RBKS: variants seen among roughly 807,000 people sequenced by gnomAD.
The protein encoded by RBKS is ribokinase.
In RBKS, 33 loss-of-function variants were observed where a neutral mutation model predicts 33.9. That is an observed-to-expected ratio of 0.97 (90% confidence interval 0.74 to 1.30). RBKS has a LOEUF of 1.30. RBKS is among the 50% of genes most tolerant of loss of function. The probability of loss-of-function intolerance (pLI) is 0.00; values close to 1 mark genes in which losing one functional copy is unlikely to be tolerated. For synonymous variants in RBKS, 125 were observed against 143.0 expected, an observed-to-expected ratio of 0.87 and a Z score of 0.90; for missense variants, 361 against 392.6, an observed-to-expected ratio of 0.92 and a Z score of 0.68.
At chr2:27,820,848 C>G (rs1353985960) in intron 7 of RBKS, among the ~76,000 whole-genome samples, 1 of 152,082 alleles carries the variant, frequency 6.6e-6, no homozygotes, top group East Asian at 1.9e-4. Context: ...CAAGACCAGC[C>G]TGACCAACAT....
chr2:27,835,804 G>GA (rs1573055045), intron 5 of RBKS, among the ~76,000 whole-genome samples: 2 of 151,888 alleles, frequency 1.3e-5, no homozygotes, highest in South Asian at 2.1e-4. Flanking sequence ...TACATAGAAG[G>GA]AAAAAATGTC....
chr2:27,809,819 G>T, intron 7 of RBKS: 1 of 637,742 alleles, frequency 1.6e-6, no homozygotes, highest in Non-Finnish European at 2.3e-6. Flanking sequence ...AACAGCAAAG[G>T]CATTTCATAA....
intron 7 of RBKS, among the ~76,000 whole-genome samples, chr2:27,801,416 G>A (rs1197069817): frequency 6.7e-6 from 1 of 148,668 alleles, no homozygotes; most frequent in East Asian, 2.0e-4. Flanking sequence ...GGCAGTGCGT[G>A]AAAAAAATCT....
chr2:27,813,745 A>G (rs1160258914), intron 7 of RBKS, among the ~76,000 whole-genome samples: 1 of 152,164 alleles, frequency 6.6e-6, no homozygotes, highest in Non-Finnish European at 1.5e-5. Context: ...GAAAGGCAAC[A>G]ATAAGAGAAA....
intron 1 of RBKS, among the ~76,000 whole-genome samples, chr2:27,867,035 T>C (rs1266233250): frequency 1.3e-5 from 2 of 151,048 alleles, no homozygotes; most frequent in Non-Finnish European, 2.9e-5. Context: ...GCCTAGGAGG[T>C]TGAGGCTGCA....
At chr2:27,790,593 A>C (rs1479509752) in intron 7 of RBKS, among the ~76,000 whole-genome samples, 1 of 152,226 alleles carries the variant, frequency 6.6e-6, no homozygotes, top group Non-Finnish European at 1.5e-5. Flanking sequence ...CAACACAATA[A>C]AAATGGGCAA....
chr2:27,834,502 C>T (rs527697772), intron 5 of RBKS, among the ~76,000 whole-genome samples: 9 of 152,272 alleles, frequency 5.9e-5, no homozygotes, highest in African/African-American at 1.7e-4. Flanking sequence ...CCAACACCCC[C>T]GCCTGTCTAC....
intron 1 of RBKS, among the ~76,000 whole-genome samples, chr2:27,889,017 G>T (rs1354626387): frequency 6.6e-6 from 1 of 152,146 alleles, no homozygotes; most frequent in East Asian, 1.9e-4. Context: ...AAAAATAAAG[G>T]TCATTGGTAT....
intron 7 of RBKS, among the ~76,000 whole-genome samples, chr2:27,794,272 G>C (rs1043044310): frequency 2.0e-5 from 3 of 148,706 alleles, no homozygotes; most frequent in Non-Finnish European, 4.4e-5. Flanking sequence ...ACTCCAGCCT[G>C]GGCAACAAGA....
chr2:27,834,667 GAAC>G (rs1189778228), intron 5 of RBKS, among the ~76,000 whole-genome samples: 1 of 152,100 alleles, frequency 6.6e-6, no homozygotes, highest in African/African-American at 2.4e-5. Flanking sequence ...TAGGTTTTCA[GAAC>G]AATATACTGT....
chr2:27,807,474 G>A (rs1337490444), intron 7 of RBKS, among the ~76,000 whole-genome samples: 3 of 151,982 alleles, frequency 2.0e-5, no homozygotes, highest in Non-Finnish European at 2.9e-5. Context: ...TGACCTCCCC[G>A]GACTCAAACG....
intron 1 of RBKS, among the ~76,000 whole-genome samples, chr2:27,887,900 T>A (rs1664572321): frequency 6.6e-6 from 1 of 152,122 alleles, no homozygotes; most frequent in Admixed American, 6.5e-5. Flanking sequence ...CTAGAATAAA[T>A]AATTTCCAAA....
intron 3 of RBKS, among the ~76,000 whole-genome samples, chr2:27,847,736 C>T (rs911388431): frequency 6.6e-6 from 1 of 152,212 alleles, no homozygotes; most frequent in African/African-American, 2.4e-5. Flanking sequence ...ATGATTGTTG[C>T]CAGCTATAAC....
Position 27,848,094 on chromosome 2 carries a change from CA to C in RBKS, c.225del (p.Gly76AlafsTer10). ...LGAMTSMVCK[V>X]GKDSFGNDYI... ...TAATCATTGCCAAAAGAATCTTTGC[CA>C]ACCTGTACCAAAGAAATAATGAATA... On this transcript the variant is annotated frameshift_variant and splice_region_variant, in exon 3 of 8. Transcript: ENST00000302188. LOFTEE classifies it high-confidence loss of function. The C allele has an allele frequency of 6.8e-7, 1 of 1,469,858 alleles. No homozygotes were observed. Among genetic ancestry groups the C allele is most frequent in the South Asian group, 1.2e-5 (1 of 83,616 alleles). The allele number at this position is 1,469,858 out of a possible 1,614,324, so 91.1% of individuals were successfully genotyped here. A position where few individuals can be genotyped will look rare whatever the true frequency, so the allele number is the denominator to read the frequency against.
Position 27,827,624 on chromosome 2 carries a change from C to T in RBKS, c.738G>A (p.Gln246=). Residue 246 remains glutamine (Q), a synonymous_variant, in exon 7 of 8, where the codon CAG becomes CAA. Transcript: ENST00000302188. ...GAATGTGCTTTGGCTCAGGTTCTGT[C>T]TGTGACAGCACCACACATCCTTCAG... ...LGAEGCVVLS[Q]TEPEPKHIPT... 1 of 1,613,016 alleles carries T rather than the reference C, an allele frequency of 6.2e-7. No individual in the cohort carries two copies. The highest frequency in any genetic ancestry group is 1.1e-5 in the South Asian group (1 of 90,912).
chr2:27,801,949 G>GAAAAAAA (rs1397935633), intron 7 of RBKS, among the ~76,000 whole-genome samples: 2 of 54,744 alleles, frequency 3.7e-5, no homozygotes, highest in Non-Finnish European at 6.6e-5. Context: ...GAGTAGCTGG[G>GAAAAAAA]GAAAAAAAAA....
At chr2:27,782,720 G>A in intron 7 of RBKS, 1 of 382,862 alleles carries the variant, frequency 2.6e-6, no homozygotes, top group Non-Finnish European at 5.7e-6. Flanking sequence ...TTTCTCCACT[G>A]TAAAGTTACT....
chr2:27,840,020 CTT>C (rs57069432), intron 5 of RBKS, among the ~76,000 whole-genome samples: 5,270 of 136,522 alleles, frequency 0.039, 232 homozygotes, highest in African/African-American at 0.12. Flanking sequence ...CACTCTTCTT[CTT>C]TTTTTTTTTT....
In RBKS at chr2:27,843,564, C is replaced by T. The variant is rs569659064; in HGVS notation, c.350-333G>A. ...ATAGAAAATAGCTAGTATATGTATG[C>T]GGTAAAGGTTCTGAATCCTAAATGA... On this transcript the variant is annotated intron_variant, in intron 4 of 7. Coordinates refer to ENST00000302188, the MANE Select transcript of RBKS (RefSeq NM_022128.3). 2.6e-4 allele frequency among the ~76,000 whole-genome samples: 40 copies of T among 152,084 alleles called. 1 individual carries two copies. In the South Asian group the frequency reaches 5.8e-3, roughly 22 times the overall value.
Sources: allele counts gnomAD v4.1 joint callset (sites outside exome capture counted in the v4.1 genomes callset), GRCh38; gene constraint gnomAD v4.1.1; transcripts MANE v1.5; gene names NCBI Gene and HGNC (gene_info 2026-07-23, HGNC 2026-07-21).